SLC5A9: variants seen among roughly 807,000 people sequenced by gnomAD.
The protein encoded by SLC5A9 is solute carrier family 5 member 9.
SLC5A9 carries 59 observed loss-of-function variants against 70.9 expected under a neutral mutation model. The observed-to-expected ratio is 0.83, with a 90% CI of 0.68 to 1.03. The LOEUF is 1.03. SLC5A9 is among the 50% of genes least tolerant of loss of function. The probability of loss-of-function intolerance (pLI) is 0.00; values close to 1 mark genes in which losing one functional copy is unlikely to be tolerated. For missense variants in SLC5A9, 832 were observed against 881.1 expected (o/e 0.94, Z 0.71); for synonymous variants, 340 against 346.5 (o/e 0.98, Z 0.21).
intron 13 of SLC5A9, among the ~76,000 whole-genome samples, chr1:48,244,874 A>ATGTGTG (rs1213238481): frequency 4.1e-4 from 10 of 24,364 alleles, no homozygotes; most frequent in South Asian, 2.1e-3. Flanking sequence ...ATGTATGTGT[A>ATGTGTG]TGTGTATATA....
At chr1:48,242,324 T>A (rs1644400323) in intron 12 of SLC5A9, 133 bp from the exon 13 acceptor site, 4 of 1,065,562 alleles carry the variant, frequency 3.8e-6, no homozygotes, top group Non-Finnish European at 5.4e-6. Flanking sequence ...CCGGGCCTCC[T>A]GACTCCCAGC....
intron 8 of SLC5A9, among the ~76,000 whole-genome samples, chr1:48,232,956 AAG>A (rs1644273059): frequency 1.4e-5 from 2 of 142,400 alleles, no homozygotes; most frequent in East Asian, 2.3e-4. Context: ...AGAAGAAAAA[AAG>A]GAGGAGGAGG....
Position 48,229,428 on chromosome 1 carries a change from C to A in SLC5A9, c.473C>A (p.Ser158Tyr). 1 of 1,614,142 alleles carries A rather than the reference C, an allele frequency of 6.2e-7. No homozygotes were observed. Among genetic ancestry groups the A allele is most frequent in the South Asian group, 1.1e-5 (1 of 91,070 alleles). Residue 158 changes from serine to tyrosine, a missense_variant, in exon 4 of 14, where the codon TCT becomes TAT. Coordinates refer to ENST00000438567, the MANE Select transcript of SLC5A9 (RefSeq NM_001011547.3). ...QRIQVYMSVLSLILYIFTKIS... is the reference protein window; with the variant it reads ...QRIQVYMSVLYLILYIFTKIS... The stretch of plus-strand genomic sequence containing the variant: ...ATCCAGGTGTACATGTCTGTCCTGT[C>A]TCTCATCCTCTACATCTTCACCAAG...
chr1:48,240,253 C>T (rs547290493), intron 12 of SLC5A9: 12 of 152,334 alleles, frequency 7.9e-5, no homozygotes, highest in African/African-American at 2.6e-4. Context: ...CTGTCTTCTC[C>T]TCTTTGTCTT....
intron 13 of SLC5A9, among the ~76,000 whole-genome samples, chr1:48,244,279 G>T (rs1644424548): frequency 6.6e-6 from 1 of 152,216 alleles, no homozygotes; most frequent in Non-Finnish European, 1.5e-5. Flanking sequence ...AGCACAGACA[G>T]GATTAGCAAA....
At chr1:48,223,017 C>A in intron 1 of SLC5A9, 119 bp downstream of exon 1, 1 of 1,087,330 alleles carries the variant, frequency 9.2e-7, no homozygotes, top group Non-Finnish European at 1.3e-6. Flanking sequence ...AACCATGTGG[C>A]TGAGAAGGAA....
chr1:48,242,414 T>C (rs17104309), intron 12 of SLC5A9, 43 bp from the exon 13 acceptor site: 1 of 1,543,770 alleles, frequency 6.5e-7, no homozygotes, highest in Non-Finnish European at 8.7e-7. Flanking sequence ...ACAGCATGAC[T>C]TCTCTCCAAG....
chr1:48,235,887 G>A lies in SLC5A9; in HGVS notation c.1292+8G>A, dbSNP rs759989086. ...GCTGATGGTGGTGGGCAGGTGCGCCGGCCCCTCCTTCCCTCCTTCCGAAGT... is the reference window on the plus strand; with the variant it reads ...GCTGATGGTGGTGGGCAGGTGCGCCAGCCCCTCCTTCCCTCCTTCCGAAGT... On this transcript the variant is annotated splice_region_variant and intron_variant, in intron 10 of 13. Coordinates refer to ENST00000438567, the MANE Select transcript of SLC5A9 (RefSeq NM_001011547.3). The A allele has an allele frequency of 1.5e-5, 24 of 1,613,912 alleles. No individual in the cohort carries two copies. The highest frequency in any genetic ancestry group is 3.3e-5 in the South Asian group (3 of 91,082).
At position 48,239,718 on chromosome 1, in the gene SLC5A9, C is replaced by T. The variant is rs903913022; in HGVS notation, c.1677+181C>T. Among the ~76,000 whole-genome samples, 6 of 152,300 alleles carry T rather than the reference C, an allele frequency of 3.9e-5. No homozygotes were observed. The highest frequency in any genetic ancestry group is 5.9e-5 in the Non-Finnish European group (4 of 68,020). On this transcript the variant is annotated intron_variant, in intron 12 of 13. Transcript: ENST00000438567. The surrounding 1 kb of genome is among the most constrained non-coding windows in gnomAD (Gnocchi z 4.2). ...CCATTGAAAAGTAATTCATTCAACTCGAAAATTACTCAGTGAGTACTTACT... is the reference window on the plus strand; with the variant it reads ...CCATTGAAAAGTAATTCATTCAACTTGAAAATTACTCAGTGAGTACTTACT...
At chr1:48,245,973 T>TAA (rs1644456196) in intron 13 of SLC5A9, among the ~76,000 whole-genome samples, 1 of 150,314 alleles carries the variant, frequency 6.7e-6, no homozygotes, top group Non-Finnish European at 1.5e-5. Context: ...AATATATATA[T>TAA]AATATATAAA....
At chr1:48,233,423 G>A (rs932562583) in intron 8 of SLC5A9, among the ~76,000 whole-genome samples, 4 of 149,254 alleles carry the variant, frequency 2.7e-5, no homozygotes, top group Non-Finnish European at 4.5e-5. Flanking sequence ...TTTAGGCTTT[G>A]TGGGCCAAAC....
At chr1:48,229,564 T>C (rs941658811) in intron 4 of SLC5A9, 105 bp downstream of exon 4, 45 of 1,533,586 alleles carry the variant, frequency 2.9e-5, no homozygotes, top group Non-Finnish European at 3.6e-5. Flanking sequence ...ACAATCACTG[T>C]TGAAAAAAAG....
intron 2 of SLC5A9, 188 bp from the exon 3 acceptor site, chr1:48,228,662 C>T (rs1055134305): frequency 1.1e-6 from 1 of 929,260 alleles, no homozygotes; most frequent in East Asian, 2.7e-5. Context: ...TAGTTCCTTC[C>T]TCTGTAACCT....
intron 3 of SLC5A9, 50 bp from the exon 4 acceptor site, chr1:48,229,245 C>T (rs1369055823): frequency 1.9e-5 from 30 of 1,613,996 alleles, no homozygotes; most frequent in Non-Finnish European, 2.5e-5. Flanking sequence ...AGCCGCCCCT[C>T]TGTCTACATC....
intron 10 of SLC5A9, 87 bp downstream of exon 10, chr1:48,235,966 G>A: frequency 1.3e-6 from 2 of 1,504,360 alleles, no homozygotes; most frequent in Admixed American, 1.8e-5. Context: ...TGGCTGGGTT[G>A]GACCCTGGAC....
At position 48,232,379 on chromosome 1, in the gene SLC5A9, C is replaced by A. The variant is rs764835227; in HGVS notation, c.910C>A (p.Arg304=). 5.6e-6 allele frequency: 9 copies of A among 1,613,960 alleles called. No homozygotes were observed. The South Asian group carries it at 6.6e-5, about 12-fold the overall frequency. ...GCTGCCCTTTCAGGTCATTGTGCAG[C>A]GGTCTCTCTCGGCCAAGAGTCTGTC... ...CWCTDQVIVQ[R]SLSAKSLSHA... is the part of the protein sequence containing the mutation. Residue 304 remains arginine, a synonymous_variant, in exon 8 of 14, where the codon CGG becomes AGG. Coordinates refer to ENST00000438567, the MANE Select transcript of SLC5A9 (RefSeq NM_001011547.3).
At chr1:48,232,607 G>T in intron 8 of SLC5A9, 105 bp downstream of exon 8, 1 of 1,464,012 alleles carries the variant, frequency 6.8e-7, no homozygotes, top group Non-Finnish European at 9.3e-7. Flanking sequence ...AGCAGGGGTT[G>T]GCAAGGTTTG....
intron 13 of SLC5A9, among the ~76,000 whole-genome samples, chr1:48,245,725 G>A (rs1452652064): frequency 6.6e-6 from 1 of 152,160 alleles, no homozygotes; most frequent in East Asian, 1.9e-4. Flanking sequence ...ACTTTGGGAG[G>A]CCAAGACAGG....
intron 12 of SLC5A9, 153 bp from the exon 13 acceptor site, chr1:48,242,304 G>C (rs1644399957): frequency 1.2e-6 from 1 of 823,260 alleles, no homozygotes; most frequent in East Asian, 2.5e-5. Context: ...GAGGAAGTCA[G>C]GGCTGAGATC....
Sources: gnomAD v4.1 joint callset for allele counts (sites outside exome capture counted in the v4.1 genomes callset) on GRCh38, gnomAD v4.1.1 for gene constraint, Gnocchi (gnomAD v3.1) non-coding constraint, MANE v1.5 for transcripts, NCBI Gene and HGNC (gene_info 2026-07-23, HGNC 2026-07-21) for gene names.